SORCS3: variants seen among roughly 807,000 people sequenced by gnomAD.
SORCS3 encodes the protein VPS10 domain-containing receptor SorCS3.
Under a neutral mutation model 146.3 loss-of-function variants are expected in SORCS3, and 57 were observed. That is an observed-to-expected ratio of 0.39 (90% CI 0.31 to 0.49). The LOEUF is 0.49. Among genes scored for constraint, SORCS3 ranks in the 20% least tolerant of loss-of-function variants. The pLI is 0.92. For synonymous variants in SORCS3, 653 were observed against 618.5 expected, an observed-to-expected ratio of 1.06 and a Z score of -0.83; for missense variants, 1,341 against 1,575.5, an observed-to-expected ratio of 0.85 and a Z score of 2.52.
intron 1 of SORCS3, among the ~76,000 whole-genome samples, chr10:104,732,592 T>C (rs963715339): frequency 1.3e-5 from 2 of 152,122 alleles, no homozygotes; most frequent in African/African-American, 4.8e-5. Flanking sequence ...TGAACTCCCA[T>C]GTCAGTCTCC....
intron 1 of SORCS3, among the ~76,000 whole-genome samples, chr10:104,651,060 G>A (rs2015552499): frequency 6.6e-6 from 1 of 152,186 alleles, no homozygotes; most frequent in African/African-American, 2.4e-5. Flanking sequence ...TACACATAGT[G>A]GGGGAACTTG....
intron 18 of SORCS3, among the ~76,000 whole-genome samples, chr10:105,216,438 A>G (rs1041428882): frequency 6.6e-6 from 1 of 152,056 alleles, no homozygotes; most frequent in Non-Finnish European, 1.5e-5. Flanking sequence ...GTCTTCCTGT[A>G]CTCACTATGA....
chr10:104,652,485 C>T (rs1023219619), intron 1 of SORCS3, among the ~76,000 whole-genome samples: 1 of 152,142 alleles, frequency 6.6e-6, no homozygotes, highest in Non-Finnish European at 1.5e-5. Context: ...GTGATATGAA[C>T]TCAAGTTGTT....
intron 2 of SORCS3, among the ~76,000 whole-genome samples, chr10:104,906,144 G>A (rs1391134614): frequency 6.6e-6 from 1 of 152,164 alleles, no homozygotes; most frequent in Non-Finnish European, 1.5e-5. Flanking sequence ...AAAGAGAAAT[G>A]ATAAACATAT....
At chr10:104,980,988 G>A (rs1027494656) in intron 4 of SORCS3, among the ~76,000 whole-genome samples, 2 of 152,202 alleles carry the variant, frequency 1.3e-5, no homozygotes, top group African/African-American at 4.8e-5. Flanking sequence ...TACCGGCCAA[G>A]GCCTGGGTGT....
At chr10:104,809,099 C>T (rs1006464572) in intron 1 of SORCS3, among the ~76,000 whole-genome samples, 1 of 152,184 alleles carries the variant, frequency 6.6e-6, no homozygotes, top group Non-Finnish European at 1.5e-5. Flanking sequence ...GGAGGTAGAA[C>T]ATGGGTTCAG....
intron 2 of SORCS3, among the ~76,000 whole-genome samples, chr10:104,875,638 A>C (rs1045569829): frequency 2.6e-5 from 4 of 152,184 alleles, no homozygotes; most frequent in African/African-American, 9.7e-5. Context: ...AAGACTTTTG[A>C]GTCTATAAGT....
intron 3 of SORCS3, among the ~76,000 whole-genome samples, chr10:104,958,627 T>C (rs1477534778): frequency 1.3e-5 from 2 of 152,118 alleles, no homozygotes; most frequent in Non-Finnish European, 2.9e-5. Flanking sequence ...CCAAGGAAAG[T>C]GAGCAGCCTT....
chr10:105,122,150 G>T (rs557642118), intron 7 of SORCS3, among the ~76,000 whole-genome samples: 1 of 152,324 alleles, frequency 6.6e-6, no homozygotes, highest in Admixed American at 6.5e-5. Flanking sequence ...AATGAGGGAA[G>T]TTGGGCTGTT....
At chr10:104,703,295 AC>A (rs909111170) in intron 1 of SORCS3, among the ~76,000 whole-genome samples, 1 of 152,208 alleles carries the variant, frequency 6.6e-6, no homozygotes, top group Non-Finnish European at 1.5e-5. Flanking sequence ...GAATCGCCAT[AC>A]TGTCTTCCAC....
intron 6 of SORCS3, among the ~76,000 whole-genome samples, chr10:105,093,027 T>C (rs1260342730): frequency 6.6e-6 from 1 of 152,056 alleles, no homozygotes; most frequent in Non-Finnish European, 1.5e-5. Flanking sequence ...AAGAAGAAAA[T>C]AAAACTTGTT....
At chr10:104,872,279 T>C (rs2451497) in intron 2 of SORCS3, among the ~76,000 whole-genome samples, 109,070 of 152,078 alleles carry the variant, frequency 0.72, 39,588 homozygotes, top group East Asian at 0.88. Flanking sequence ...CAGCAGTGAC[T>C]CCCCTGTGAC....
intron 1 of SORCS3, among the ~76,000 whole-genome samples, chr10:104,687,546 T>G (rs942259306): frequency 6.6e-6 from 1 of 152,054 alleles, no homozygotes; most frequent in Admixed American, 6.5e-5. Context: ...TCCCTGAGTG[T>G]GTTTGTGCAC....
chr10:104,796,974 T>TCA (rs1414696493), intron 1 of SORCS3, among the ~76,000 whole-genome samples: 1 of 152,250 alleles, frequency 6.6e-6, no homozygotes, highest in Admixed American at 6.5e-5. Context: ...CCCTTGCCTG[T>TCA]CAGTCTCTGA....
chr10:105,084,961 A>T (rs2055650231), intron 5 of SORCS3, among the ~76,000 whole-genome samples: 1 of 151,758 alleles, frequency 6.6e-6, no homozygotes, highest in African/African-American at 2.4e-5. Flanking sequence ...CGATCTCCTG[A>T]CCTCGTGATC....
At chr10:104,997,310 T>G (rs2055033314) in intron 4 of SORCS3, among the ~76,000 whole-genome samples, 1 of 152,218 alleles carries the variant, frequency 6.6e-6, no homozygotes, top group African/African-American at 2.4e-5. Flanking sequence ...TCGTATGAAC[T>G]AACCATTGAA....
At position 105,255,782 on chromosome 10, in the gene SORCS3, T is replaced by C. The variant is rs765727508; in HGVS notation, c.3318T>C (p.Tyr1106=). 9.9e-6 allele frequency: 16 copies of C among 1,613,588 alleles called. No homozygotes were observed. In the East Asian group the frequency reaches 3.1e-4, roughly 31 times the overall value. The change falls in exon 24 of 27, where the codon TAT becomes TAC. Residue 1106 remains tyrosine (Y), a synonymous_variant. Transcript: ENST00000369701. ...ELKPGVQVIV[Y]VTQLTLAPLV... ...AGCCGGGGGTACAAGTCATTGTGTA[T>C]GTCACACAGCTGACGTTAGGTGAGT...
intron 22 of SORCS3, among the ~76,000 whole-genome samples, chr10:105,248,607 G>A (rs892900331): frequency 2.0e-5 from 3 of 151,866 alleles, no homozygotes; most frequent in South Asian, 2.1e-4. Context: ...CCAGCTACTC[G>A]GGAGGCTGAG....
At chr10:105,179,523 TA>T (rs2056430197) in intron 14 of SORCS3, among the ~76,000 whole-genome samples, 1 of 152,206 alleles carries the variant, frequency 6.6e-6, no homozygotes, top group African/African-American at 2.4e-5. Flanking sequence ...CATTTTCTTA[TA>T]GGGGATCTTT....
Sources: allele counts gnomAD v4.1 joint callset (sites outside exome capture counted in the v4.1 genomes callset), GRCh38; gene constraint gnomAD v4.1.1; transcripts MANE v1.5; gene names NCBI Gene and HGNC (gene_info 2026-07-23, HGNC 2026-07-21).